The following DIP2A variants were observed in gnomAD, a reference collection of about 807,000 sequenced individuals.
DIP2A encodes the protein disco-interacting protein 2 homolog A.
In DIP2A, 85 loss-of-function variants were observed where a neutral mutation model predicts 177.4. The ratio of observed to expected loss-of-function variants is 0.48; its 90% CI spans 0.40 to 0.57. DIP2A has a LOEUF of 0.57. Among genes scored for constraint, DIP2A ranks in the 20% least tolerant of loss-of-function variants. The pLI is 0.00. For missense variants in DIP2A, 1,791 were observed against 2,100.2 expected (o/e 0.85, Z 2.88); for synonymous variants, 886 against 881.8 (o/e 1.00, Z -0.08).
intron 1 of DIP2A, among the ~76,000 whole-genome samples, chr21:46,471,536 A>G (rs752335611): frequency 1.8e-4 from 27 of 152,224 alleles, no homozygotes; most frequent in Non-Finnish European, 1.8e-4. Context: ...CTCAATCTTT[A>G]CACCTTTAAA....
chr21:46,472,157 G>A (rs1342808535), intron 1 of DIP2A, among the ~76,000 whole-genome samples: 2 of 152,196 alleles, frequency 1.3e-5, no homozygotes, highest in South Asian at 2.1e-4. Flanking sequence ...ATAAGAAGAG[G>A]AGGAGACACC....
chr21:46,554,747 G>A, intron 27 of DIP2A, 51 bp downstream of exon 27: 1 of 1,545,606 alleles, frequency 6.5e-7, no homozygotes, highest in Non-Finnish European at 8.7e-7. Flanking sequence ...AGGCTGCAAG[G>A]CTGCCCTCCG....
rs778440555 is a variant in DIP2A, at chr21:46,556,710, A to G, written c.3499-229A>G. 90 of 522,318 alleles carry G rather than the reference A, an allele frequency of 1.7e-4. No individual in the cohort carries two copies. Among genetic ancestry groups the G allele is most frequent in the Non-Finnish European group, 2.8e-4 (85 of 303,102 alleles). 32.4% of individuals were successfully genotyped at this position (522,318 alleles called of 1,614,324 possible). ...AAAAAAAAAAAAGAAAAAAATTTTAAAAATTCATTACCCTGAAATTTTGTT... is the reference window on the plus strand; with the variant it reads ...AAAAAAAAAAAAGAAAAAAATTTTAGAAATTCATTACCCTGAAATTTTGTT... On this transcript the variant is annotated intron_variant, in intron 29 of 37. Coordinates refer to ENST00000417564, the MANE Select transcript of DIP2A (RefSeq NM_015151.4). The surrounding 1 kb of genome is among the most constrained non-coding windows in gnomAD (Gnocchi z 4.5).
At chr21:46,483,318 A>G (rs750348310) in intron 1 of DIP2A, among the ~76,000 whole-genome samples, 4 of 150,990 alleles carry the variant, frequency 2.6e-5, no homozygotes, top group African/African-American at 4.9e-5. Flanking sequence ...ATAAGAAAAT[A>G]TGTCTAAAAG....
intron 7 of DIP2A, 24 bp downstream of exon 7, chr21:46,509,400 T>C (rs1374787391): frequency 6.3e-7 from 1 of 1,591,416 alleles, no homozygotes; most frequent in Non-Finnish European, 8.5e-7. Flanking sequence ...AACTTTGAGC[T>C]TTTCTGTTTG....
chr21:46,569,220 G>A lies in DIP2A; in HGVS notation c.*1598G>A, dbSNP rs575044156. 42 of 152,248 alleles carry A rather than the reference G, an allele frequency of 2.8e-4. No individual in the cohort carries two copies. The highest frequency in any genetic ancestry group is 9.6e-4 in the African/African-American group (40 of 41,542). The allele number at this position is 152,248 out of a possible 1,614,324, so 9.4% of individuals were successfully genotyped here. ...TTAGTCTGGATCAGTGCCTAACAAA[G>A]CTGTTATTAATTCTCCACACATGAG... On this transcript the variant is annotated 3_prime_UTR_variant, in exon 38 of 38. Transcript: ENST00000417564.
chr21:46,548,236 G>T, intron 21 of DIP2A, among the ~76,000 whole-genome samples: 1 of 152,006 alleles, frequency 6.6e-6, no homozygotes. Context: ...GCAGGGGGAG[G>T]GTGGCACAGC....
chr21:46,477,543 T>TTGTG (rs1555874551), intron 1 of DIP2A, among the ~76,000 whole-genome samples: 10 of 87,132 alleles, frequency 1.1e-4, no homozygotes, highest in South Asian at 4.4e-4. Flanking sequence ...AAAAAAAGAT[T>TTGTG]TGTGTGTGTG....
chr21:46,515,011 C>G (rs1389462057), intron 8 of DIP2A, among the ~76,000 whole-genome samples: 1 of 152,148 alleles, frequency 6.6e-6, no homozygotes, highest in Non-Finnish European at 1.5e-5. Flanking sequence ...TAATATCTTA[C>G]CCTTTTAAAT....
At chr21:46,485,661 G>A (rs545372739) in intron 2 of DIP2A, among the ~76,000 whole-genome samples, 1 of 151,252 alleles carries the variant, frequency 6.6e-6, no homozygotes, top group East Asian at 2.0e-4. Flanking sequence ...AACCATAAAG[G>A]AAAGGATTGA....
intron 1 of DIP2A, among the ~76,000 whole-genome samples, chr21:46,477,640 C>G (rs2148383138): frequency 6.9e-6 from 1 of 145,720 alleles, no homozygotes; most frequent in African/African-American, 2.5e-5. Context: ...GTGCCACTAT[C>G]TCGGCTCACT....
intron 1 of DIP2A, among the ~76,000 whole-genome samples, chr21:46,478,473 A>G (rs995393620): frequency 2.0e-5 from 3 of 152,092 alleles, no homozygotes; most frequent in South Asian, 2.1e-4. Context: ...CGGCCTCCCA[A>G]AGTGCTGGGA....
chr21:46,463,480 T>C (rs1352438550), intron 1 of DIP2A, among the ~76,000 whole-genome samples: 1 of 152,182 alleles, frequency 6.6e-6, no homozygotes, highest in East Asian at 1.9e-4. Context: ...TCCAATTACT[T>C]TATTCTGGTT....
In DIP2A at chr21:46,529,037, G is replaced by C. The variant is rs2059245178; in HGVS notation, c.1103-55G>C. 3 of 1,176,218 alleles carry C rather than the reference G, an allele frequency of 2.6e-6. No individual in the cohort carries two copies. The Admixed American group carries it at 8.7e-5, about 34-fold the overall frequency. The allele number at this position is 1,176,218 out of a possible 1,614,324, so 72.9% of individuals were successfully genotyped here. On this transcript the variant is annotated intron_variant, in intron 8 of 37. Transcript: ENST00000417564. ...GGTATTTTGGTTTCTACATTAAAAT[G>C]TTAATTACTTGTTTCTTAAATTTTA...
chr21:46,484,827 A>G lies in DIP2A; in HGVS notation c.162A>G (p.Gln54=), dbSNP rs913646236. 5 of 1,577,624 alleles carry G rather than the reference A, an allele frequency of 3.2e-6. No homozygotes were observed. Among genetic ancestry groups the G allele is most frequent in the Admixed American group, 3.7e-5 (2 of 53,914 alleles). Residue 54 remains glutamine, a splice_region_variant and synonymous_variant, in exon 2 of 38, where the codon CAA becomes CAG. Coordinates refer to ENST00000417564, the MANE Select transcript of DIP2A (RefSeq NM_015151.4). ...KLLARYIPLI[Q]GIDPSLQAEN... ...TTGCACGTTATATACCGCTTATTCA[A>G]GGTAAGGTCAATACACTCAGGTGTT...
chr21:46,459,610 A>G (rs1365889180), intron 1 of DIP2A, among the ~76,000 whole-genome samples: 1 of 125,320 alleles, frequency 8.0e-6, no homozygotes, highest in Admixed American at 8.8e-5. Flanking sequence ...TCACCCTGGG[A>G]GCCCCGCGCT....
At chr21:46,575,494 A>G in the DIP2A span, among the ~76,000 whole-genome samples, 1 of 152,206 alleles carries the variant, frequency 6.6e-6, no homozygotes, top group African/African-American at 2.4e-5. Context: ...TGCCAATGAT[A>G]TAATCTCATA....
intron 18 of DIP2A, among the ~76,000 whole-genome samples, chr21:46,543,477 C>T (rs1034139717): frequency 2.0e-5 from 3 of 151,092 alleles, no homozygotes; most frequent in Admixed American, 6.6e-5. Context: ...GTGCATGCAG[C>T]GCACCCCCCT....
intron 5 of DIP2A, among the ~76,000 whole-genome samples, chr21:46,500,328 CT>C (rs2057582055): frequency 6.6e-6 from 1 of 152,220 alleles, no homozygotes; most frequent in Non-Finnish European, 1.5e-5. Flanking sequence ...GGAAAACAGC[CT>C]GCTCAGATTG....
Sources: gnomAD v4.1 joint callset for allele counts (sites outside exome capture counted in the v4.1 genomes callset) on GRCh38, gnomAD v4.1.1 for gene constraint, Gnocchi (gnomAD v3.1) non-coding constraint, MANE v1.5 for transcripts, NCBI Gene and HGNC (gene_info 2026-07-23, HGNC 2026-07-21) for gene names.